Variants in FLRT1 observed in about 807,000 individuals in gnomAD.
FLRT1 encodes leucine-rich repeat transmembrane protein FLRT1.
FLRT1 carries 14 observed loss-of-function variants against 30.9 expected under a neutral mutation model. The observed-to-expected ratio is 0.45, with a 90% CI of 0.30 to 0.71. The LOEUF is 0.71. FLRT1 is among the 30% of genes least tolerant of loss of function. FLRT1 has a pLI of 0.08. For synonymous variants in FLRT1, 368 were observed against 430.4 expected (o/e 0.85, Z 1.80); for missense variants, 737 against 949.2 (o/e 0.78, Z 2.94).
At chr11:64,105,649 G>A (rs1160947921) in intron 2 of FLRT1, among the ~76,000 whole-genome samples, 1 of 152,220 alleles carries the variant, frequency 6.6e-6, no homozygotes, top group African/African-American at 2.4e-5. Context: ...AGGCGTGAGT[G>A]ACCCCACAGG....
intron 1 of FLRT1, among the ~76,000 whole-genome samples, chr11:64,094,076 C>T (rs1944535428): frequency 6.6e-6 from 1 of 152,208 alleles, no homozygotes; most frequent in Admixed American, 6.5e-5. Flanking sequence ...CCAGGCAGAT[C>T]ATCTGAGGTC....
chr11:64,083,903 G>A (rs1021790811), intron 1 of FLRT1, among the ~76,000 whole-genome samples: 4 of 152,236 alleles, frequency 2.6e-5, no homozygotes, highest in Non-Finnish European at 4.4e-5. Context: ...GCAGGCGGGC[G>A]TGCGGCCGGC....
chr11:64,044,213 C>T (rs765773306), intron 1 of FLRT1, among the ~76,000 whole-genome samples: 80 of 151,762 alleles, frequency 5.3e-4, no homozygotes, highest in Non-Finnish European at 1.0e-3. Flanking sequence ...TTATATCACA[C>T]TTACTATGTA....
At chr11:64,039,917 G>A (rs1943453553) in intron 1 of FLRT1, among the ~76,000 whole-genome samples, 1 of 152,024 alleles carries the variant, frequency 6.6e-6, no homozygotes, top group Admixed American at 6.6e-5. Flanking sequence ...GGGAGTTTGG[G>A]GCTGAAGCCA....
rs76253932 is a variant in FLRT1 at position 64,097,681 on chromosome 11, C to T, written c.-1037-5513C>T. 2.7e-3 allele frequency among the ~76,000 whole-genome samples: 409 copies of T among 152,366 alleles called. 6 individuals carry two copies. The East Asian group carries it at 0.06, about 22-fold the overall frequency. ...CACCACACAAGCAGGCTCTCGCCTC[C>T]GCCTCTTCTCACCCTGCTACTCGGG... On this transcript the variant is annotated intron_variant, in intron 1 of 2. Transcript: ENST00000682287.
At chr11:64,039,717 TCGCTC>T (rs1943449504) in intron 1 of FLRT1, among the ~76,000 whole-genome samples, 2 of 152,224 alleles carry the variant, frequency 1.3e-5, no homozygotes, top group Non-Finnish European at 2.9e-5. Flanking sequence ...CTGTTTACCA[TCGCTC>T]GAGGCCCCCA....
chr11:64,068,370 G>C (rs1325912387), intron 1 of FLRT1, among the ~76,000 whole-genome samples: 1 of 152,240 alleles, frequency 6.6e-6, no homozygotes, highest in Non-Finnish European at 1.5e-5. Context: ...CTCAGGCCCA[G>C]CTGCCCGCAT....
At position 64,036,899 on chromosome 11, in the gene FLRT1, G is replaced by A. The variant is rs543069753; in HGVS notation, c.-1038+740G>A. Among the ~76,000 whole-genome samples the A allele has an allele frequency of 1.6e-3, 237 of 152,328 alleles. No individual in the cohort carries two copies. Among genetic ancestry groups the A allele is most frequent in the African/African-American group, 5.1e-3 (214 of 41,584 alleles). On this transcript the variant is annotated intron_variant, in intron 1 of 2. Transcript: ENST00000682287. The surrounding 1 kb of genome is among the most constrained non-coding windows in gnomAD (Gnocchi z 5.6). ...CGCGGGCACTGGAGACCCCGGGGAG[G>A]AAGGCTGGGGAGTGTTGTCGCCCAG...
chr11:64,097,304 T>C (rs1036573054), intron 1 of FLRT1, among the ~76,000 whole-genome samples: 41 of 152,302 alleles, frequency 2.7e-4, no homozygotes, highest in African/African-American at 8.9e-4. Flanking sequence ...CTCTGCCAAC[T>C]CAGCACCAAG....
intron 2 of FLRT1, among the ~76,000 whole-genome samples, chr11:64,109,769 A>G (rs574093365): frequency 6.6e-6 from 1 of 152,172 alleles, no homozygotes; most frequent in Admixed American, 6.5e-5. Context: ...GGCTGCCAGC[A>G]TGGCTTGGGG....
intron 1 of FLRT1, among the ~76,000 whole-genome samples, chr11:64,084,155 C>T (rs971550355): frequency 3.3e-5 from 5 of 152,176 alleles, no homozygotes; most frequent in African/African-American, 7.2e-5. Flanking sequence ...GTGCATGGCA[C>T]GCGCGCCTTC....
intron 1 of FLRT1, among the ~76,000 whole-genome samples, chr11:64,063,491 T>C (rs1472382207): frequency 6.6e-6 from 1 of 151,874 alleles, no homozygotes; most frequent in Non-Finnish European, 1.5e-5. Flanking sequence ...CATCAAGGGG[T>C]GGGGAAAGGC....
rs764179577 is a variant in FLRT1 at position 64,117,479 on chromosome 11, G to A, written c.1212G>A (p.Thr404=). 48 of 1,612,416 alleles carry A rather than the reference G, an allele frequency of 3.0e-5. No individual in the cohort carries two copies. The East Asian group carries it at 4.2e-4, about 14-fold the overall frequency. ...TTASNHASAT[T]PQGSLFTLKA... ...CCAGCAACCACGCCTCTGCCACCAC[G>A]CCCCAGGGTTCCCTGTTTACCCTCA... is the stretch of plus-strand genomic sequence containing the variant. Residue 404 remains threonine, a synonymous_variant, in exon 3 of 3, where the codon ACG becomes ACA. Coordinates refer to ENST00000682287, the MANE Select transcript of FLRT1 (RefSeq NM_013280.5).
In FLRT1 at chr11:64,069,733, C is replaced by G. The variant is rs531063033; in HGVS notation, c.-1037-33461C>G. 7.9e-5 allele frequency among the ~76,000 whole-genome samples: 12 copies of G among 152,240 alleles called. No homozygotes were observed. The East Asian group carries it at 2.3e-3, about 30-fold the overall frequency. On this transcript the variant is annotated intron_variant, in intron 1 of 2. Transcript: ENST00000682287. ...GGCTGGTGACACCCCCGGGCCCGGC[C>G]CCGGCAGCTGTGTCACCTAAATGCT...
intron 2 of FLRT1, among the ~76,000 whole-genome samples, chr11:64,113,643 AT>A (rs1944905104): frequency 7.0e-6 from 1 of 142,874 alleles, no homozygotes; most frequent in Non-Finnish European, 1.5e-5. Flanking sequence ...GGATGGATGG[AT>A]GGATGGGCAG....
chr11:64,042,474 A>T (rs1279160763), intron 1 of FLRT1, among the ~76,000 whole-genome samples: 1 of 152,144 alleles, frequency 6.6e-6, no homozygotes, highest in Non-Finnish European at 1.5e-5. Context: ...CTGCTCCAAT[A>T]GAGGAGGCCC....
intron 2 of FLRT1, among the ~76,000 whole-genome samples, chr11:64,115,137 T>A (rs1944953927): frequency 6.6e-6 from 1 of 152,204 alleles, no homozygotes; most frequent in South Asian, 2.1e-4. Context: ...GTGAACCCAG[T>A]GTTTTACAGC....
intron 1 of FLRT1, among the ~76,000 whole-genome samples, chr11:64,080,781 C>G (rs1045647706): frequency 6.6e-6 from 1 of 152,112 alleles, no homozygotes; most frequent in African/African-American, 2.4e-5. Context: ...CAGTGGTGCT[C>G]AGAGAGGACC....
At chr11:64,079,639 C>G (rs1227419766) in intron 1 of FLRT1, among the ~76,000 whole-genome samples, 1 of 152,124 alleles carries the variant, frequency 6.6e-6, no homozygotes, top group Non-Finnish European at 1.5e-5. Flanking sequence ...GGCCTAGAGG[C>G]CCCTCACTCA....
Sources: gnomAD v4.1 joint callset for allele counts (sites outside exome capture counted in the v4.1 genomes callset) on GRCh38, gnomAD v4.1.1 for gene constraint, Gnocchi (gnomAD v3.1) non-coding constraint, MANE v1.5 for transcripts, NCBI Gene and HGNC (gene_info 2026-07-23, HGNC 2026-07-21) for gene names.